Variants in SLC29A3 observed in about 807,000 individuals in gnomAD.
SLC29A3 encodes solute carrier family 29 member 3.
In SLC29A3, 18 loss-of-function variants were observed where a neutral mutation model predicts 25.4. That is an observed-to-expected ratio of 0.71 (90% CI 0.49 to 1.05). SLC29A3 has a LOEUF of 1.05. SLC29A3 is among the 50% of genes least tolerant of loss of function. The pLI is 0.00. For synonymous variants in SLC29A3, 258 were observed against 267.1 expected (o/e 0.97, Z 0.33); for missense variants, 586 against 609.0 (o/e 0.96, Z 0.40).
At chr10:71,377,286 G>A (rs1011355122) in intron 4 of SLC29A3, among the ~76,000 whole-genome samples, 4 of 152,210 alleles carry the variant, frequency 2.6e-5, no homozygotes, top group Admixed American at 6.5e-5. Context: ...GCTACCTGGA[G>A]ACGCCCACGG....
chr10:71,376,186 T>C (rs764985105), intron 4 of SLC29A3, among the ~76,000 whole-genome samples: 1 of 152,254 alleles, frequency 6.6e-6, no homozygotes, highest in Non-Finnish European at 1.5e-5. Flanking sequence ...TACAAAGCTC[T>C]GACCACAGCC....
chr10:71,351,277 C>T (rs1322172950), intron 3 of SLC29A3, among the ~76,000 whole-genome samples: 1 of 152,228 alleles, frequency 6.6e-6, no homozygotes, highest in African/African-American at 2.4e-5. Flanking sequence ...GGCACTGCCG[C>T]TTGCACCCCA....
At chr10:71,374,826 ACT>A (rs1847238257) in intron 3 of SLC29A3, among the ~76,000 whole-genome samples, 1 of 152,038 alleles carries the variant, frequency 6.6e-6, no homozygotes, top group East Asian at 1.9e-4. Flanking sequence ...CTATTCAGAC[ACT>A]GTTTGACAGT....
At chr10:71,377,814 C>T (rs568726314) in intron 4 of SLC29A3, among the ~76,000 whole-genome samples, 1 of 151,508 alleles carries the variant, frequency 6.6e-6, no homozygotes, top group Non-Finnish European at 1.5e-5. Context: ...CGGCCTGGCT[C>T]TTTGCAAGGA....
At chr10:71,356,425 T>C (rs1180078852) in intron 5 of SLC29A3, among the ~76,000 whole-genome samples, 182 bp downstream of exon 5, 1 of 152,248 alleles carries the variant, frequency 6.6e-6, no homozygotes, top group African/African-American at 2.4e-5. Flanking sequence ...GTCAAGCAGT[T>C]GGAGCCTCAA....
intron 2 of SLC29A3, among the ~76,000 whole-genome samples, chr10:71,340,371 G>T (rs1846369983): frequency 6.6e-6 from 1 of 152,184 alleles, no homozygotes; most frequent in African/African-American, 2.4e-5. Flanking sequence ...CTGGAGTTGT[G>T]CAAAGTTCAA....
At chr10:71,361,828 G>A (rs925861505) in intron 5 of SLC29A3, 126 bp from the exon 6 acceptor site, 4 of 1,088,730 alleles carry the variant, frequency 3.7e-6, no homozygotes, top group Admixed American at 1.9e-5. Context: ...CGCTGGAGCT[G>A]TGGGCATACG....
intron 5 of SLC29A3, among the ~76,000 whole-genome samples, chr10:71,357,976 A>AT (rs1196259691): frequency 2.0e-5 from 3 of 152,146 alleles, no homozygotes; most frequent in Non-Finnish European, 4.4e-5. Flanking sequence ...ACAGGAAGCT[A>AT]TTTTTTGCAG....
At chr10:71,366,808 G>A (rs1028091943), downstream of SLC29A3, among the ~76,000 whole-genome samples, 1 of 152,214 alleles carries the variant, frequency 6.6e-6, no homozygotes, top group African/African-American at 2.4e-5. Context: ...AATGTGAACT[G>A]AGAGCCCATG....
At chr10:71,365,040 C>T (rs1462200788), downstream of SLC29A3, 1 of 151,888 alleles carries the variant, frequency 6.6e-6, no homozygotes, top group Non-Finnish European at 1.5e-5. Flanking sequence ...ACCAGCCTGA[C>T]CAACATGTCG....
intron 1 of SLC29A3, 143 bp from the exon 2 acceptor site, chr10:71,322,613 C>T: frequency 1.1e-6 from 1 of 941,740 alleles, no homozygotes; most frequent in East Asian, 2.4e-5. Flanking sequence ...TAAAATGAAG[C>T]TCTCCAACCA....
intron 1 of SLC29A3, among the ~76,000 whole-genome samples, chr10:71,321,703 G>A (rs970442972): frequency 6.6e-6 from 1 of 152,228 alleles, no homozygotes; most frequent in African/African-American, 2.4e-5. Context: ...GTTTACATTT[G>A]GGGAAATTGA....
chr10:71,343,203 C>T (rs1846460585), intron 2 of SLC29A3, among the ~76,000 whole-genome samples: 1 of 152,186 alleles, frequency 6.6e-6, no homozygotes, highest in African/African-American at 2.4e-5. Context: ...TGGGTTCAAG[C>T]CATCCTCCCA....
At chr10:71,324,883 G>A (rs929808191) in intron 2 of SLC29A3, among the ~76,000 whole-genome samples, 3 of 152,180 alleles carry the variant, frequency 2.0e-5, no homozygotes, top group Non-Finnish European at 2.9e-5. Context: ...CAGGACTGGG[G>A]GGTCGGGCCA....
chr10:71,351,935 C>A, intron 4 of SLC29A3, 147 bp downstream of exon 4: 1 of 795,172 alleles, frequency 1.3e-6, no homozygotes, highest in Non-Finnish European at 2.1e-6. Context: ...TGTAGAACAA[C>A]AACGGTCATT....
At chr10:71,378,328 G>A (rs1648073208) in intron 4 of SLC29A3, among the ~76,000 whole-genome samples, 2 of 152,228 alleles carry the variant, frequency 1.3e-5, no homozygotes, top group East Asian at 1.9e-4. Context: ...GCTTCTCTGC[G>A]GTTCTCCTCC....
chr10:71,338,766 G>GA (rs973167905), intron 2 of SLC29A3, among the ~76,000 whole-genome samples: 11 of 151,132 alleles, frequency 7.3e-5, no homozygotes, highest in South Asian at 4.2e-4. Context: ...CGAAAAAAAA[G>GA]AAAAAAAAAT....
chr10:71,372,691 G>C (rs139819571), intron 3 of SLC29A3, among the ~76,000 whole-genome samples: 1 of 152,160 alleles, frequency 6.6e-6, no homozygotes. Flanking sequence ...CTCAGGAACC[G>C]GAAAGTCTTT....
At position 71,356,182 on chromosome 10, in the gene SLC29A3, ACTG is replaced by A. The variant is rs1846903353; in HGVS notation, c.713_715del (p.Thr238_Val239delinsIle). The stretch of plus-strand genomic sequence containing the variant: ...CGCCCTGGCCTTCTTCCTGACGGCC[ACTG>A]TCTTCCTCGTGCTCTGCATGGGACT... On this transcript the variant is annotated inframe_deletion, in exon 5 of 6. Transcript: ENST00000373189. 6.2e-7 allele frequency: 1 copy of A among 1,614,110 alleles called. No homozygotes were observed. Among genetic ancestry groups the A allele is most frequent in the Non-Finnish European group, 8.5e-7 (1 of 1,179,994 alleles).
Sources: allele counts gnomAD v4.1 joint callset (sites outside exome capture counted in the v4.1 genomes callset), GRCh38; gene constraint gnomAD v4.1.1; transcripts MANE v1.5; gene names NCBI Gene and HGNC (gene_info 2026-07-23, HGNC 2026-07-21).